PTK2: variants seen among roughly 807,000 people sequenced by gnomAD.
The protein encoded by PTK2 is protein tyrosine kinase 2, also known as focal adhesion kinase 1.
PTK2 carries 45 observed loss-of-function variants against 150.1 expected under a neutral mutation model. The observed-to-expected ratio is 0.30, with a 90% CI of 0.24 to 0.38. The LOEUF is 0.38. PTK2 is among the 10% of genes least tolerant of loss of function. The pLI is 1.00. For missense variants in PTK2, 919 were observed against 1,307.3 expected (o/e 0.70, Z 4.58); for synonymous variants, 432 against 449.2 (o/e 0.96, Z 0.48).
At position 140,714,490 on chromosome 8, in the gene PTK2, T is replaced by C. The variant is rs1202121018; in HGVS notation, c.2142+3108A>G. Among the ~76,000 whole-genome samples the C allele has an allele frequency of 2.9e-5, 4 of 139,240 alleles. No homozygotes were observed. The East Asian group carries it at 8.4e-4, about 29-fold the overall frequency. 91.3% of individuals were successfully genotyped at this position (139,240 alleles called of 152,430 possible). A position where few individuals can be genotyped will look rare whatever the true frequency, so the allele number is the denominator to read the frequency against. On this transcript the variant is annotated intron_variant, in intron 23 of 31. Coordinates refer to ENST00000522684, the Ensembl canonical transcript of PTK2. ...AGAAAGAAAGGAAGGAAGGAAGAAA[T>C]AAAAAAAAAAAATCTAAGTAAGACA...
At chr8:140,797,858 C>T (rs1302376572) in intron 12 of PTK2, among the ~76,000 whole-genome samples, 2 of 152,104 alleles carry the variant, frequency 1.3e-5, no homozygotes, top group South Asian at 4.1e-4. Context: ...TACAGTCTTG[C>T]TATGTGGCCC....
chr8:140,672,627 C>T (rs1294140947), intron 29 of PTK2, among the ~76,000 whole-genome samples: 1 of 152,202 alleles, frequency 6.6e-6, no homozygotes, highest in Admixed American at 6.5e-5. Context: ...CCAGTGGCTG[C>T]CCATTCACCC....
At chr8:140,748,121 A>G (rs1229419998) in intron 17 of PTK2, among the ~76,000 whole-genome samples, 2 of 152,126 alleles carry the variant, frequency 1.3e-5, no homozygotes, top group Admixed American at 1.3e-4. Context: ...AAGGATTTCT[A>G]TCTTAGACAT....
At chr8:140,725,394 T>TA (rs2100045146) in intron 22 of PTK2, among the ~76,000 whole-genome samples, 1 of 151,880 alleles carries the variant, frequency 6.6e-6, no homozygotes, top group Non-Finnish European at 1.5e-5. Flanking sequence ...ACTCTGGATA[T>TA]AAGAAACAAC....
intron 29 of PTK2, among the ~76,000 whole-genome samples, chr8:140,672,712 T>C (rs758008782): frequency 1.1e-4 from 16 of 152,208 alleles, no homozygotes; most frequent in South Asian, 6.2e-4. Flanking sequence ...GGCCTGGAGA[T>C]GACATTTTTT....
At chr8:140,664,881 G>C (rs2087953773) in intron 31 of PTK2, 36 bp downstream of exon 35, 1 of 1,591,484 alleles carries the variant, frequency 6.3e-7, no homozygotes, top group Non-Finnish European at 8.6e-7. Context: ...GCCCAGTGCT[G>C]TCACAGAGGG....
At chr8:140,742,905 G>C (rs2100056559) in intron 20 of PTK2, among the ~76,000 whole-genome samples, 1 of 152,082 alleles carries the variant, frequency 6.6e-6, no homozygotes, top group Non-Finnish European at 1.5e-5. Context: ...CCTTGTTTCT[G>C]GTGTCAAGTC....
intron 27 of PTK2, among the ~76,000 whole-genome samples, chr8:140,681,013 A>G (rs1299123528): frequency 6.6e-6 from 1 of 152,208 alleles, no homozygotes; most frequent in African/African-American, 2.4e-5. Flanking sequence ...TTTAACTTAA[A>G]CAGACATCTG....
intron 1 of PTK2, among the ~76,000 whole-genome samples, chr8:140,968,492 G>A (rs558684120): frequency 3.9e-5 from 6 of 152,214 alleles, no homozygotes; most frequent in Non-Finnish European, 7.4e-5. Flanking sequence ...AAACAGAAGA[G>A]AAAAAACAGA....
At chr8:140,762,469 TGAA>T in intron 15 of PTK2, 81 bp from the exon 18 acceptor site, 1 of 610,094 alleles carries the variant, frequency 1.6e-6, no homozygotes, top group Non-Finnish European at 2.1e-6. Context: ...AACACAAACT[TGAA>T]GAGAATATTT....
intron 31 of PTK2, among the ~76,000 whole-genome samples, chr8:140,660,026 A>AT (rs934753265): frequency 1.1e-4 from 16 of 151,618 alleles, no homozygotes; most frequent in South Asian, 2.1e-4. Flanking sequence ...GCATTTAAAC[A>AT]TTTTTTTTAC....
chr8:140,675,049 G>A (rs1274772698), intron 28 of PTK2, among the ~76,000 whole-genome samples: 7 of 143,200 alleles, frequency 4.9e-5, no homozygotes, highest in African/African-American at 1.5e-4. Flanking sequence ...CTGGGTGACA[G>A]AGTGAGACTC....
Position 140,665,065 on chromosome 8 carries a change from ATTTT to A in PTK2, c.2866-72_2866-69del, listed in dbSNP as rs953777025. The stretch of plus-strand genomic sequence containing the variant: ...GGATTTTTATGCTTTTCAGTTATAT[ATTTT>A]TTTATTTCCTTTCCACAAGTTTCAA... On this transcript the variant is annotated intron_variant, in intron 30 of 31. Transcript: ENST00000522684. 7 of 1,384,220 alleles carry A rather than the reference ATTTT, an allele frequency of 5.1e-6. No homozygotes were observed. The African/African-American group carries it at 8.7e-5, about 17-fold the overall frequency. The allele number at this position is 1,384,220 out of a possible 1,614,324, so 85.7% of individuals were successfully genotyped here.
chr8:140,794,893 C>T (rs2100090720), intron 12 of PTK2, among the ~76,000 whole-genome samples: 1 of 152,214 alleles, frequency 6.6e-6, no homozygotes, highest in Non-Finnish European at 1.5e-5. Context: ...TGACACCTCC[C>T]TCTGGATGTC....
chr8:140,922,958 A>T (rs1466742813), intron 2 of PTK2, among the ~76,000 whole-genome samples: 2 of 152,168 alleles, frequency 1.3e-5, no homozygotes, highest in Non-Finnish European at 2.9e-5. Flanking sequence ...TGGTGACTGG[A>T]GCTAATGCAG....
intron 17 of PTK2, among the ~76,000 whole-genome samples, chr8:140,751,018 G>T (rs2100062326): frequency 6.6e-6 from 1 of 152,104 alleles, no homozygotes; most frequent in Admixed American, 6.5e-5. Context: ...GCAGCCCCGA[G>T]ATGGGAGGAT....
Position 140,760,403 on chromosome 8 carries a change from AG to A in PTK2, c.1332+761del, listed in dbSNP as rs369809096. Among the ~76,000 whole-genome samples, 40 of 152,344 alleles carry A rather than the reference AG, an allele frequency of 2.6e-4. 1 individual carries two copies. Among genetic ancestry groups the A allele is most frequent in the African/African-American group, 9.4e-4 (39 of 41,586 alleles). ...AAAAGAGTATTATTTGGCAATAAAA[AG>A]GAATGAAGTACTAACACATACCGCA... On this transcript the variant is annotated intron_variant, in intron 16 of 31. Transcript: ENST00000522684.
chr8:140,848,515 C>T (rs1345021554), intron 5 of PTK2, among the ~76,000 whole-genome samples: 1 of 152,050 alleles, frequency 6.6e-6, no homozygotes, highest in African/African-American at 2.4e-5. Flanking sequence ...TGTTATTTTC[C>T]ATATATATTT....
chr8:140,906,982 G>A (rs2100161150), intron 2 of PTK2, among the ~76,000 whole-genome samples: 1 of 152,114 alleles, frequency 6.6e-6, no homozygotes, highest in East Asian at 1.9e-4. Context: ...GAAACTCACA[G>A]TTATTAAGAT....
Sources: gnomAD v4.1 joint callset for allele counts (sites outside exome capture counted in the v4.1 genomes callset) on GRCh38, gnomAD v4.1.1 for gene constraint, MANE v1.5 for transcripts, NCBI Gene and HGNC (gene_info 2026-07-23, HGNC 2026-07-21) for gene names.